Variants in SCHIP1 observed in about 807,000 individuals in gnomAD.
The protein encoded by SCHIP1 is schwannomin-interacting protein 1.
Under a neutral mutation model 29.7 loss-of-function variants are expected in SCHIP1, and 8 were observed. The observed-to-expected ratio is 0.27, with a 90% CI of 0.16 to 0.49. The LOEUF (loss-of-function observed/expected upper bound fraction) is 0.49, where lower values mean the gene tolerates loss of function less well. SCHIP1 is among the 20% of genes least tolerant of loss of function. The probability of loss-of-function intolerance (pLI) is 0.99; values close to 1 mark genes in which losing one functional copy is unlikely to be tolerated. For synonymous variants in SCHIP1, 76 were observed against 94.9 expected (o/e 0.80, Z 1.16); for missense variants, 193 against 294.6 (o/e 0.66, Z 2.52).
At chr3:159,859,794 C>T (rs1304867797) in intron 1 of SCHIP1, among the ~76,000 whole-genome samples, 2 of 152,204 alleles carry the variant, frequency 1.3e-5, no homozygotes, top group Admixed American at 1.3e-4. Flanking sequence ...CTGTGGTTCT[C>T]AAAGTGCCTA....
At chr3:159,551,648 T>C in the SCHIP1 span, among the ~76,000 whole-genome samples, 1 of 152,184 alleles carries the variant, frequency 6.6e-6, no homozygotes, top group Admixed American at 6.5e-5. Context: ...ATTTTTCAAA[T>C]ATGGCAAATG....
the SCHIP1 span, among the ~76,000 whole-genome samples, chr3:159,397,235 A>G: frequency 2.6e-5 from 4 of 151,694 alleles, no homozygotes; most frequent in African/African-American, 9.7e-5. Flanking sequence ...ATTTTTTTTC[A>G]AAGTTTTCAA....
chr3:159,741,353 T>C, the SCHIP1 span, among the ~76,000 whole-genome samples: 3 of 152,190 alleles, frequency 2.0e-5, no homozygotes, highest in African/African-American at 7.2e-5. Context: ...TTTTCAGACA[T>C]CACAGTTTCT....
the SCHIP1 span, among the ~76,000 whole-genome samples, chr3:159,551,093 C>T: frequency 6.6e-6 from 1 of 152,060 alleles, no homozygotes; most frequent in African/African-American, 2.4e-5. Flanking sequence ...TGGGTGAGTA[C>T]CAAATTCTGT....
At chr3:159,833,236 A>G in the SCHIP1 span, among the ~76,000 whole-genome samples, 2 of 152,238 alleles carry the variant, frequency 1.3e-5, no homozygotes, top group Non-Finnish European at 1.5e-5. Context: ...ACTAAAATCA[A>G]GGTGTCCACT....
At chr3:159,723,495 G>A in the SCHIP1 span, among the ~76,000 whole-genome samples, 404 of 152,296 alleles carry the variant, frequency 2.7e-3, 2 homozygotes, top group African/African-American at 9.3e-3. Flanking sequence ...TGATGTCAGT[G>A]TTCTTCCATA....
the SCHIP1 span, among the ~76,000 whole-genome samples, chr3:159,522,360 G>A: frequency 6.6e-6 from 1 of 152,324 alleles, no homozygotes; most frequent in South Asian, 2.1e-4. Context: ...TTCTTGTAAA[G>A]CATAGGGCGT....
the SCHIP1 span, among the ~76,000 whole-genome samples, chr3:159,657,517 G>T: frequency 6.6e-6 from 1 of 152,196 alleles, no homozygotes; most frequent in Admixed American, 6.5e-5. Flanking sequence ...ATAAATCCAT[G>T]TCAAGTGGAG....
chr3:159,788,447 G>T, the SCHIP1 span, among the ~76,000 whole-genome samples: 2 of 152,058 alleles, frequency 1.3e-5, no homozygotes, highest in African/African-American at 4.8e-5. Context: ...TCACTTGTAA[G>T]AAATTAAATA....
At chr3:159,844,314 G>A (rs980114799) in intron 1 of SCHIP1, among the ~76,000 whole-genome samples, 1 of 152,250 alleles carries the variant, frequency 6.6e-6, no homozygotes, top group African/African-American at 2.4e-5. Flanking sequence ...CCCTGTTTGA[G>A]CAAGGGCTTG....
At chr3:159,530,119 T>C in the SCHIP1 span, among the ~76,000 whole-genome samples, 13,238 of 152,250 alleles carry the variant, frequency 0.087, 753 homozygotes, top group South Asian at 0.13. Flanking sequence ...TACCCAGCAG[T>C]GGGGTTGCTG....
chr3:159,508,112 G>A, the SCHIP1 span, among the ~76,000 whole-genome samples: 39 of 152,148 alleles, frequency 2.6e-4, no homozygotes, highest in Admixed American at 2.0e-3. Context: ...TTTTTTGGTC[G>A]GTAAGCTATT....
chr3:159,781,550 A>C, the SCHIP1 span, among the ~76,000 whole-genome samples: 1 of 152,218 alleles, frequency 6.6e-6, no homozygotes, highest in African/African-American at 2.4e-5. Flanking sequence ...GTCTGCCAAG[A>C]ATTTTCTTAA....
At chr3:159,586,476 G>A in the SCHIP1 span, among the ~76,000 whole-genome samples, 1 of 152,180 alleles carries the variant, frequency 6.6e-6, no homozygotes, top group Non-Finnish European at 1.5e-5. Context: ...GACCATCCTA[G>A]TGAATCCTTT....
At chr3:159,697,114 C>G in the SCHIP1 span, among the ~76,000 whole-genome samples, 1 of 152,158 alleles carries the variant, frequency 6.6e-6, no homozygotes, top group Middle Eastern at 3.2e-3. Flanking sequence ...CTAATTGGGA[C>G]ACTGTTACTA....
chr3:159,462,527 T>C, the SCHIP1 span, among the ~76,000 whole-genome samples: 2 of 152,136 alleles, frequency 1.3e-5, no homozygotes, highest in Non-Finnish European at 2.9e-5. Flanking sequence ...GGCAGTCGCC[T>C]CCTACCTGGC....
chr3:159,442,973 G>T, the SCHIP1 span, among the ~76,000 whole-genome samples: 1 of 152,150 alleles, frequency 6.6e-6, no homozygotes, highest in Non-Finnish European at 1.5e-5. Flanking sequence ...ACTCCAGGGA[G>T]ACTTAGCTGT....
At chr3:159,380,751 GC>G in the SCHIP1 span, among the ~76,000 whole-genome samples, 1 of 152,034 alleles carries the variant, frequency 6.6e-6, no homozygotes, top group East Asian at 1.9e-4. Context: ...AAAGAATGAG[GC>G]CCAAAGAGAT....
At chr3:159,507,599 G>A in the SCHIP1 span, among the ~76,000 whole-genome samples, 1 of 152,108 alleles carries the variant, frequency 6.6e-6, no homozygotes, top group Non-Finnish European at 1.5e-5. Flanking sequence ...TATTGGCTGT[G>A]GGTTTGTCAT....
Sources: allele counts gnomAD v4.1 joint callset (sites outside exome capture counted in the v4.1 genomes callset), GRCh38; gene constraint gnomAD v4.1.1; transcripts MANE v1.5; gene names NCBI Gene and HGNC (gene_info 2026-07-23, HGNC 2026-07-21).